The following ELAVL2 variants were observed in gnomAD, a reference collection of about 807,000 sequenced individuals.
ELAVL2 encodes the protein ELAV-like protein 2.
A neutral mutation model predicts 34.6 loss-of-function variants in ELAVL2; 4 were observed. That is an observed-to-expected ratio of 0.12 (90% confidence interval 0.06 to 0.26). The LOEUF is 0.26. ELAVL2 is among the 10% of genes least tolerant of loss of function. The probability of loss-of-function intolerance (pLI) is 1.00; values close to 1 mark genes in which losing one functional copy is unlikely to be tolerated. For missense variants in ELAVL2, 432 were observed against 442.8 expected, an observed-to-expected ratio of 0.98 and a Z score of 0.22; for synonymous variants, 193 against 154.8, an observed-to-expected ratio of 1.25 and a Z score of -1.83.
At chr9:23,824,888 C>T (rs964385880) in intron 1 of ELAVL2, among the ~76,000 whole-genome samples, 8 of 152,206 alleles carry the variant, frequency 5.3e-5, no homozygotes, top group African/African-American at 9.6e-5. Flanking sequence ...CGAGTTGGCT[C>T]CTGGGGTGGC....
At chr9:23,840,477 C>G in the ELAVL2 span, among the ~76,000 whole-genome samples, 3 of 152,138 alleles carry the variant, frequency 2.0e-5, 1 homozygote, top group South Asian at 6.2e-4. Context: ...TTCAGTGGTG[C>G]AGTTAACATG....
chr9:23,764,279 T>C (rs891870695), intron 1 of ELAVL2, among the ~76,000 whole-genome samples: 2 of 152,106 alleles, frequency 1.3e-5, no homozygotes, highest in Non-Finnish European at 2.9e-5. Flanking sequence ...GCATTTGAAA[T>C]ACAAAGTGTT....
chr9:23,750,430 A>G (rs1043481661), intron 2 of ELAVL2, among the ~76,000 whole-genome samples: 5 of 152,164 alleles, frequency 3.3e-5, no homozygotes, highest in Non-Finnish European at 7.4e-5. Flanking sequence ...ACAACAAATA[A>G]TAAAGAATAT....
At chr9:23,725,789 C>G (rs1317895970) in intron 3 of ELAVL2, among the ~76,000 whole-genome samples, 2 of 152,120 alleles carry the variant, frequency 1.3e-5, no homozygotes, top group Non-Finnish European at 2.9e-5. Context: ...TTCATCAAAT[C>G]ATTTTATGCA....
intron 2 of ELAVL2, among the ~76,000 whole-genome samples, chr9:23,735,904 A>C (rs1046454951): frequency 6.6e-6 from 1 of 152,096 alleles, no homozygotes; most frequent in Non-Finnish European, 1.5e-5. Context: ...CAGGAAGAAA[A>C]CCCGTTTAGT....
At chr9:23,828,044 G>A (rs1295512581), upstream of ELAVL2, among the ~76,000 whole-genome samples, 1 of 152,114 alleles carries the variant, frequency 6.6e-6, no homozygotes, top group Non-Finnish European at 1.5e-5. Flanking sequence ...GAAACTCACA[G>A]CAAGAAGAAA....
At chr9:23,740,665 G>A (rs1419930879) in intron 2 of ELAVL2, among the ~76,000 whole-genome samples, 2 of 151,964 alleles carry the variant, frequency 1.3e-5, no homozygotes, top group Admixed American at 1.3e-4. Flanking sequence ...AAAATGACCT[G>A]AAAGAAAAGG....
At chr9:23,796,842 A>G (rs1476039141) in intron 1 of ELAVL2, among the ~76,000 whole-genome samples, 1 of 152,220 alleles carries the variant, frequency 6.6e-6, no homozygotes, top group Admixed American at 6.5e-5. Context: ...CTGATTCAAT[A>G]TCAGTCATGG....
chr9:23,814,128 C>A (rs2063393899), intron 1 of ELAVL2, among the ~76,000 whole-genome samples: 1 of 152,096 alleles, frequency 6.6e-6, no homozygotes, highest in Non-Finnish European at 1.5e-5. Flanking sequence ...CAGTTCAGGG[C>A]AATCAAAACA....
chr9:23,770,931 G>A (rs891192001), intron 1 of ELAVL2, among the ~76,000 whole-genome samples: 1 of 152,322 alleles, frequency 6.6e-6, no homozygotes, highest in African/African-American at 2.4e-5. Flanking sequence ...ATGACAAGGA[G>A]ATAACAGGGA....
chr9:23,694,592 T>G (rs973827127), intron 5 of ELAVL2, among the ~76,000 whole-genome samples: 21 of 152,318 alleles, frequency 1.4e-4, no homozygotes, highest in African/African-American at 4.8e-4. Context: ...AAGGTAAGTT[T>G]GAAAAGTCTC....
At chr9:23,721,681 C>T (rs2043768442) in intron 3 of ELAVL2, among the ~76,000 whole-genome samples, 1 of 152,126 alleles carries the variant, frequency 6.6e-6, no homozygotes, top group South Asian at 2.1e-4. Context: ...GGATTTTAGA[C>T]CAACCCCTCC....
At chr9:23,771,040 A>T (rs2057213771) in intron 1 of ELAVL2, among the ~76,000 whole-genome samples, 1 of 152,220 alleles carries the variant, frequency 6.6e-6, no homozygotes, top group African/African-American at 2.4e-5. Flanking sequence ...GTTTTCAGCA[A>T]AAGAGTAGCA....
intron 3 of ELAVL2, among the ~76,000 whole-genome samples, chr9:23,718,052 A>AT (rs1172899562): frequency 1.3e-5 from 2 of 152,180 alleles, no homozygotes; most frequent in Non-Finnish European, 2.9e-5. Flanking sequence ...CCTTTCCTAC[A>AT]AACTTGGAGA....
upstream of ELAVL2, chr9:23,829,826 A>G (rs12341793): frequency 0.22 from 34,076 of 152,080 alleles, 4,537 homozygotes; most frequent in African/African-American, 0.37. Context: ...GCAAAGCTTG[A>G]GACGGTGTTT....
At chr9:23,761,829 TTA>T (rs2055083769) in intron 2 of ELAVL2, among the ~76,000 whole-genome samples, 175 bp downstream of exon 2, 1 of 152,030 alleles carries the variant, frequency 6.6e-6, no homozygotes, top group South Asian at 2.1e-4. Flanking sequence ...CCAAAATAGT[TTA>T]TGATTTAAAA....
intron 2 of ELAVL2, among the ~76,000 whole-genome samples, chr9:23,750,993 G>A (rs975996789): frequency 1.3e-5 from 2 of 152,138 alleles, no homozygotes; most frequent in African/African-American, 2.4e-5. Flanking sequence ...TTAAAAGGAG[G>A]ATTTGACTTT....
At chr9:23,712,364 C>G (rs1190686019) in intron 3 of ELAVL2, among the ~76,000 whole-genome samples, 1 of 152,108 alleles carries the variant, frequency 6.6e-6, no homozygotes, top group Non-Finnish European at 1.5e-5. Context: ...AAGGAGACAT[C>G]AGAAGAGCTA....
upstream of ELAVL2, among the ~76,000 whole-genome samples, chr9:23,831,052 T>C (rs1283753682): frequency 1.3e-5 from 2 of 152,172 alleles, no homozygotes; most frequent in East Asian, 3.9e-4. Context: ...AAATAACAGT[T>C]TCCAAAGTTA....
Sources: gnomAD v4.1 joint callset for allele counts (sites outside exome capture counted in the v4.1 genomes callset) on GRCh38, gnomAD v4.1.1 for gene constraint, MANE v1.5 for transcripts, NCBI Gene and HGNC (gene_info 2026-07-23, HGNC 2026-07-21) for gene names.